Variants in AP3B1 observed in about 807,000 individuals in gnomAD.
The protein encoded by AP3B1 is adaptor related protein complex 3 subunit beta 1, also known as AP-3 complex subunit beta-1.
Under a neutral mutation model 132.5 loss-of-function variants are expected in AP3B1, and 61 were observed. The observed-to-expected ratio is 0.46, with a 90% CI of 0.37 to 0.57. The LOEUF (loss-of-function observed/expected upper bound fraction) is 0.57, where lower values mean the gene tolerates loss of function less well. AP3B1 is among the 20% of genes least tolerant of loss of function. The pLI is 0.00. For synonymous variants in AP3B1, 388 were observed against 438.3 expected, an observed-to-expected ratio of 0.89 and a Z score of 1.43; for missense variants, 1,120 against 1,289.4, an observed-to-expected ratio of 0.87 and a Z score of 2.01.
chr5:78,280,757 G>A (rs1370338258), intron 1 of AP3B1, among the ~76,000 whole-genome samples: 3 of 152,174 alleles, frequency 2.0e-5, no homozygotes, highest in Admixed American at 2.0e-4. Context: ...TCAGCATTCT[G>A]TAAAGGGAAT....
At chr5:78,190,044 C>T (rs900096337) in intron 7 of AP3B1, among the ~76,000 whole-genome samples, 12 of 151,664 alleles carry the variant, frequency 7.9e-5, no homozygotes, top group African/African-American at 2.9e-4. Context: ...TATATTGCTA[C>T]TAATAAAACT....
intron 20 of AP3B1, 139 bp downstream of exon 20, chr5:78,110,068 C>G: frequency 5.5e-6 from 4 of 730,580 alleles, no homozygotes; most frequent in South Asian, 2.0e-5. Context: ...AAGTTTCTAG[C>G]ATTTCTGCAG....
intron 7 of AP3B1, among the ~76,000 whole-genome samples, chr5:78,200,142 C>T (rs1027828146): frequency 1.3e-5 from 2 of 151,824 alleles, no homozygotes; most frequent in Non-Finnish European, 2.9e-5. Flanking sequence ...TACACAAACA[C>T]CTGTGGCACT....
chr5:78,224,716 C>A (rs1580510006), intron 6 of AP3B1, among the ~76,000 whole-genome samples: 2 of 151,896 alleles, frequency 1.3e-5, no homozygotes, highest in South Asian at 2.1e-4. Flanking sequence ...GTATTTATAA[C>A]AGGCAAAACA....
At chr5:78,292,077 G>C (rs1359827364) in intron 1 of AP3B1, among the ~76,000 whole-genome samples, 1 of 152,040 alleles carries the variant, frequency 6.6e-6, no homozygotes, top group Non-Finnish European at 1.5e-5. Context: ...CAAAAGGGTA[G>C]CTCTCTGTGT....
rs144192732 is a variant in AP3B1 at position 78,087,491 on chromosome 5, TC to T, written c.2577+1901del. 3.5e-3 allele frequency: 3,428 copies of T among 966,084 alleles called. 83 individuals are homozygous for T. The African/African-American group carries it at 0.054, about 15-fold the overall frequency. 59.8% of individuals were successfully genotyped at this position (966,084 alleles called of 1,614,324 possible). A position where few individuals can be genotyped will look rare whatever the true frequency, so the allele number is the denominator to read the frequency against. ...TTCTAGCATTTTCTTTGTTTAAAGTTCTATTCCTGTCCATATTTTATTGTTG... is the reference window on the plus strand; with the variant it reads ...TTCTAGCATTTTCTTTGTTTAAAGTTTATTCCTGTCCATATTTTATTGTTG... On this transcript the variant is annotated intron_variant, in intron 22 of 26. Coordinates refer to ENST00000255194, the MANE Select transcript of AP3B1 (RefSeq NM_003664.5).
At chr5:78,289,066 G>T (rs10059828) in intron 1 of AP3B1, among the ~76,000 whole-genome samples, 35,117 of 151,928 alleles carry the variant, frequency 0.23, 4,649 homozygotes, top group Middle Eastern at 0.31. Flanking sequence ...CTTTGAGGTA[G>T]GTCAAATATA....
chr5:78,074,873 C>T (rs1414046840), intron 22 of AP3B1, among the ~76,000 whole-genome samples: 1 of 152,002 alleles, frequency 6.6e-6, no homozygotes, highest in African/African-American at 2.4e-5. Context: ...GCGGAGGTTG[C>T]GGTGAGCTGA....
chr5:78,286,619 C>T (rs192102069), intron 1 of AP3B1, among the ~76,000 whole-genome samples: 19 of 152,328 alleles, frequency 1.2e-4, no homozygotes, highest in Non-Finnish European at 2.5e-4. Context: ...ATTACCCAGT[C>T]TCAGGTTTTT....
intron 20 of AP3B1, among the ~76,000 whole-genome samples, chr5:78,105,233 A>G (rs1751285572): frequency 6.6e-6 from 1 of 152,178 alleles, no homozygotes; most frequent in Non-Finnish European, 1.5e-5. Context: ...AGATATAACT[A>G]GAATATTGCA....
At chr5:78,203,071 T>A (rs377413508) in intron 7 of AP3B1, among the ~76,000 whole-genome samples, 15 of 152,186 alleles carry the variant, frequency 9.9e-5, no homozygotes, top group Non-Finnish European at 1.6e-4. Flanking sequence ...TCTGGCCCCA[T>A]GGTTTCTAAT....
intron 7 of AP3B1, among the ~76,000 whole-genome samples, chr5:78,212,622 A>C (rs568620696): frequency 1.7e-4 from 26 of 152,264 alleles, no homozygotes; most frequent in African/African-American, 6.3e-4. Context: ...TTCTACTTGG[A>C]TGATTCCATG....
intron 21 of AP3B1, among the ~76,000 whole-genome samples, chr5:78,097,061 T>G (rs4703749): frequency 0.2 from 6,595 of 33,200 alleles, 713 homozygotes; most frequent in Admixed American, 0.35. Context: ...GGAGGGAGGT[T>G]GGGGGGTCAG....
intron 21 of AP3B1, among the ~76,000 whole-genome samples, chr5:78,098,063 A>G (rs1750962790): frequency 6.6e-6 from 1 of 151,238 alleles, no homozygotes; most frequent in Non-Finnish European, 1.5e-5. Flanking sequence ...GTGCTTTGTT[A>G]AACAGATGCT....
chr5:78,016,912 T>C (rs1746880315), intron 25 of AP3B1, among the ~76,000 whole-genome samples: 1 of 152,104 alleles, frequency 6.6e-6, no homozygotes, highest in African/African-American at 2.4e-5. Flanking sequence ...TGTGTACTCA[T>C]TTAGGATTTA....
chr5:78,180,384 C>T (rs1711679980), intron 8 of AP3B1, among the ~76,000 whole-genome samples: 1 of 151,908 alleles, frequency 6.6e-6, no homozygotes, highest in Admixed American at 6.6e-5. Context: ...GATATAACTG[C>T]CAGTTAACAG....
chr5:78,177,647 T>G (rs76836969), intron 8 of AP3B1, among the ~76,000 whole-genome samples: 1 of 152,148 alleles, frequency 6.6e-6, no homozygotes, highest in Admixed American at 6.5e-5. Context: ...AAGTGGGATC[T>G]CTGCAGAAAT....
At chr5:78,010,763 C>T (rs1333745966) in intron 26 of AP3B1, among the ~76,000 whole-genome samples, 1 of 152,158 alleles carries the variant, frequency 6.6e-6, no homozygotes, top group Non-Finnish European at 1.5e-5. Context: ...CATTCATATA[C>T]TGGTTTAATG....
At chr5:78,107,027 C>G (rs1301358955) in intron 20 of AP3B1, among the ~76,000 whole-genome samples, 1 of 151,942 alleles carries the variant, frequency 6.6e-6, no homozygotes, top group Non-Finnish European at 1.5e-5. Context: ...GGTCTCACAA[C>G]AGGAAAAATT....
Sources: gnomAD v4.1 joint callset for allele counts (sites outside exome capture counted in the v4.1 genomes callset) on GRCh38, gnomAD v4.1.1 for gene constraint, MANE v1.5 for transcripts, NCBI Gene and HGNC (gene_info 2026-07-23, HGNC 2026-07-21) for gene names.